ATP9A: variants seen among roughly 807,000 people sequenced by gnomAD.
The protein encoded by ATP9A is ATPase phospholipid transporting 9A, also known as probable phospholipid-transporting ATPase IIA.
Under a neutral mutation model 144.1 loss-of-function variants are expected in ATP9A, and 52 were observed. The ratio of observed to expected loss-of-function variants is 0.36; its 90% CI spans 0.29 to 0.45. ATP9A has a LOEUF of 0.45. ATP9A is among the 20% of genes least tolerant of loss of function. ATP9A has a pLI of 1.00. For synonymous variants in ATP9A, 582 were observed against 557.4 expected (o/e 1.04, Z -0.62); for missense variants, 947 against 1,392.7 (o/e 0.68, Z 5.09).
At chr20:51,703,781 T>C (rs574067411) in intron 4 of ATP9A, among the ~76,000 whole-genome samples, 71 of 152,266 alleles carry the variant, frequency 4.7e-4, no homozygotes, top group African/African-American at 1.6e-3. Flanking sequence ...GGCAGTAATA[T>C]GTGTGGGCCT....
At chr20:51,675,819 A>G (rs1043411175) in intron 10 of ATP9A, among the ~76,000 whole-genome samples, 9 of 151,674 alleles carry the variant, frequency 5.9e-5, no homozygotes, top group Non-Finnish European at 1.3e-4. Context: ...GGCAGAGGTT[A>G]CAGTGAGCCA....
chr20:51,637,125 ATTC>A (rs1211987618), intron 15 of ATP9A, among the ~76,000 whole-genome samples: 2 of 151,912 alleles, frequency 1.3e-5, no homozygotes, highest in Non-Finnish European at 2.9e-5. Flanking sequence ...CATTCCTGTC[ATTC>A]TTCTTACTAC....
intron 21 of ATP9A, 31 bp downstream of exon 21, chr20:51,618,631 G>C: frequency 6.3e-7 from 1 of 1,594,444 alleles, no homozygotes. Flanking sequence ...CGGCAGGCCA[G>C]GGCCAGCAGC....
At chr20:51,687,853 A>G (rs1199845686) in intron 9 of ATP9A, among the ~76,000 whole-genome samples, 2 of 152,206 alleles carry the variant, frequency 1.3e-5, no homozygotes, top group Non-Finnish European at 2.9e-5. Flanking sequence ...TGGGGAGTGG[A>G]GAATACTATG....
intron 4 of ATP9A, among the ~76,000 whole-genome samples, chr20:51,699,232 C>T (rs2077582988): frequency 6.7e-6 from 1 of 149,612 alleles, no homozygotes; most frequent in African/African-American, 2.5e-5. Context: ...ATCTCAGCTA[C>T]TGAGGCAGGA....
chr20:51,746,098 T>C (rs561918529), intron 1 of ATP9A, among the ~76,000 whole-genome samples: 2 of 152,254 alleles, frequency 1.3e-5, no homozygotes, highest in South Asian at 2.1e-4. Flanking sequence ...ATACCACGTG[T>C]TCTCACTTAT....
intron 19 of ATP9A, among the ~76,000 whole-genome samples, chr20:51,620,916 A>G (rs6021326): frequency 0.31 from 47,442 of 151,604 alleles, 7,568 homozygotes; most frequent in Non-Finnish European, 0.34. Context: ...GGGAGGCTGA[A>G]GTGGGAGAAT....
intron 9 of ATP9A, among the ~76,000 whole-genome samples, chr20:51,678,970 C>T (rs948589586): frequency 2.6e-5 from 4 of 152,072 alleles, no homozygotes; most frequent in African/African-American, 9.7e-5. Flanking sequence ...TTGGTCTGCA[C>T]GGTGCCTTCA....
chr20:51,697,167 A>G (rs1028131293), intron 5 of ATP9A, among the ~76,000 whole-genome samples: 19 of 152,216 alleles, frequency 1.2e-4, no homozygotes, highest in African/African-American at 4.1e-4. Flanking sequence ...ACAGGAAATC[A>G]AAACTTGTAC....
At chr20:51,684,866 C>A (rs1255241849) in intron 9 of ATP9A, among the ~76,000 whole-genome samples, 4 of 150,840 alleles carry the variant, frequency 2.7e-5, no homozygotes. Context: ...AAAAAATTAG[C>A]CTGGCGTAGT....
intron 9 of ATP9A, among the ~76,000 whole-genome samples, chr20:51,676,548 C>T (rs8120051): frequency 2.0e-5 from 3 of 152,090 alleles, no homozygotes; most frequent in Admixed American, 6.5e-5. Context: ...GCGTGATCTC[C>T]GCTTACTGCA....
At chr20:51,661,490 A>G (rs968495381) in intron 13 of ATP9A, among the ~76,000 whole-genome samples, 1 of 149,958 alleles carries the variant, frequency 6.7e-6, no homozygotes, top group African/African-American at 2.5e-5. Flanking sequence ...CAGCCTTCTG[A>G]ATACCGGGAC....
chr20:51,597,428 A>AT lies in ATP9A; in HGVS notation c.*3782dup, dbSNP rs772156968. ...GTTGTATTTACAAAGCTCTTTGTAT[A>AT]TTTTTTTAAATGAAAACAAAGCTGG... On this transcript the variant is annotated 3_prime_UTR_variant, in exon 28 of 28. Transcript: ENST00000338821. The AT allele has an allele frequency of 2.6e-5, 4 of 152,172 alleles. No individual in the cohort carries two copies. Among genetic ancestry groups the AT allele is most frequent in the East Asian group, 3.8e-4 (2 of 5,202 alleles). The allele number at this position is 152,172 out of a possible 1,614,324, so 9.4% of individuals were successfully genotyped here.
At chr20:51,763,524 A>G (rs1341133904) in intron 1 of ATP9A, among the ~76,000 whole-genome samples, 1 of 151,866 alleles carries the variant, frequency 6.6e-6, no homozygotes, top group Non-Finnish European at 1.5e-5. Context: ...TGTGTTAGCC[A>G]GGATGGTCTG....
At chr20:51,658,536 T>TTTGG (rs2077396786) in intron 13 of ATP9A, among the ~76,000 whole-genome samples, 1 of 147,412 alleles carries the variant, frequency 6.8e-6, no homozygotes, top group Non-Finnish European at 1.5e-5. Flanking sequence ...TTTTTTTTTT[T>TTTGG]GAGACATGAG....
chr20:51,637,894 A>G (rs2077299611), intron 15 of ATP9A, among the ~76,000 whole-genome samples: 1 of 150,448 alleles, frequency 6.6e-6, no homozygotes, highest in South Asian at 2.1e-4. Context: ...AGTCCATTGT[A>G]TTATTCTTAA....
intron 1 of ATP9A, among the ~76,000 whole-genome samples, chr20:51,743,823 A>G (rs2077795938): frequency 6.6e-6 from 1 of 150,716 alleles, no homozygotes; most frequent in Non-Finnish European, 1.5e-5. Context: ...CCTGGCCAAC[A>G]TGGTGAAACC....
chr20:51,755,791 G>A (rs1377538626), intron 1 of ATP9A, among the ~76,000 whole-genome samples: 3 of 151,826 alleles, frequency 2.0e-5, no homozygotes, highest in Admixed American at 6.6e-5. Flanking sequence ...TCGTCTCTAT[G>A]AAAAATACAA....
At chr20:51,670,968 A>G (rs576299736) in intron 12 of ATP9A, 147 bp downstream of exon 12, 4 of 962,936 alleles carry the variant, frequency 4.2e-6, no homozygotes, top group East Asian at 5.2e-5. Context: ...CTTCATCACC[A>G]AAGAATCTTC....
Sources: allele counts gnomAD v4.1 joint callset (sites outside exome capture counted in the v4.1 genomes callset), GRCh38; gene constraint gnomAD v4.1.1; transcripts MANE v1.5; gene names NCBI Gene and HGNC (gene_info 2026-07-23, HGNC 2026-07-21).